Variants in CAMK1D observed in about 807,000 individuals in gnomAD.
CAMK1D encodes calcium/calmodulin dependent protein kinase ID.
CAMK1D carries 9 observed loss-of-function variants against 47.7 expected under a neutral mutation model. That is an observed-to-expected ratio of 0.19 (90% CI 0.11 to 0.33). CAMK1D has a LOEUF of 0.33. Ranked by LOEUF, CAMK1D falls within the 10% of genes least tolerant of loss-of-function variation. The probability of loss-of-function intolerance (pLI) is 1.00; values close to 1 mark genes in which losing one functional copy is unlikely to be tolerated. For missense variants in CAMK1D, 291 were observed against 488.7 expected (o/e 0.60, Z 3.81); for synonymous variants, 184 against 184.9 (o/e 0.99, Z 0.04).
chr10:12,530,201 T>C (rs989064464), intron 1 of CAMK1D, among the ~76,000 whole-genome samples: 1 of 152,200 alleles, frequency 6.6e-6, no homozygotes, highest in Non-Finnish European at 1.5e-5. Context: ...ACTGCCCCCG[T>C]TGAACCCGGA....
chr10:12,670,797 C>T (rs1333783094), intron 3 of CAMK1D, among the ~76,000 whole-genome samples: 1 of 152,160 alleles, frequency 6.6e-6, no homozygotes, highest in East Asian at 1.9e-4. Context: ...GATCCACCCA[C>T]CTCAGCTTCC....
At chr10:12,618,177 T>C (rs143333516) in intron 2 of CAMK1D, among the ~76,000 whole-genome samples, 38 of 152,332 alleles carry the variant, frequency 2.5e-4, no homozygotes, top group African/African-American at 9.1e-4. Flanking sequence ...TCATTTCCTA[T>C]TCCTGCCTCC....
At chr10:12,469,280 C>T (rs1833680633) in intron 1 of CAMK1D, among the ~76,000 whole-genome samples, 1 of 152,032 alleles carries the variant, frequency 6.6e-6, no homozygotes, top group Non-Finnish European at 1.5e-5. Context: ...GAATTAGACC[C>T]AGCATTCTAG....
rs745260 is a variant in CAMK1D, at chr10:12,830,131, C to A, written c.*1244C>A. The A allele has an allele frequency of 0.061, 9,261 of 152,312 alleles. 335 individuals are homozygous for A. Among genetic ancestry groups the A allele is most frequent in the South Asian group, 0.085 (410 of 4,808 alleles). The allele number at this position is 152,312 out of a possible 1,614,324, so 9.4% of individuals were successfully genotyped here. The stretch of plus-strand genomic sequence containing the variant: ...GTGGGCCCACACACAACCCTCATTT[C>A]TCACGAGAGCTAACAGATGAAAGCT... On this transcript the variant is annotated 3_prime_UTR_variant, in exon 11 of 11. Coordinates refer to ENST00000619168, the MANE Select transcript of CAMK1D (RefSeq NM_153498.4).
At chr10:12,472,607 C>T (rs1833780861) in intron 1 of CAMK1D, among the ~76,000 whole-genome samples, 2 of 151,974 alleles carry the variant, frequency 1.3e-5, no homozygotes, top group African/African-American at 2.4e-5. Flanking sequence ...TCACTGTAAC[C>T]GCCTCCTGGG....
At chr10:12,652,729 T>C (rs1050577360) in intron 2 of CAMK1D, among the ~76,000 whole-genome samples, 1 of 152,232 alleles carries the variant, frequency 6.6e-6, no homozygotes, top group Non-Finnish European at 1.5e-5. Context: ...TCCTTGATCA[T>C]AGTCTTTTAT....
intron 3 of CAMK1D, among the ~76,000 whole-genome samples, chr10:12,713,872 TA>T (rs1234487891): frequency 1.3e-5 from 2 of 152,338 alleles, no homozygotes; most frequent in South Asian, 4.1e-4. Flanking sequence ...ATAAAATGTA[TA>T]ATTATCCAGT....
At chr10:12,773,195 A>T (rs778094915) in intron 5 of CAMK1D, among the ~76,000 whole-genome samples, 1 of 152,216 alleles carries the variant, frequency 6.6e-6, no homozygotes, top group Admixed American at 6.5e-5. Context: ...AAAAACACAC[A>T]GATCATGAAT....
At chr10:12,621,815 ATG>A (rs200674998) in intron 2 of CAMK1D, among the ~76,000 whole-genome samples, 1 of 120,390 alleles carries the variant, frequency 8.3e-6, no homozygotes, top group Non-Finnish European at 2.0e-5. Flanking sequence ...GTGTGTGTGT[ATG>A]TGTGTGTGTA....
intron 1 of CAMK1D, among the ~76,000 whole-genome samples, chr10:12,394,082 G>A (rs912708426): frequency 2.0e-5 from 3 of 152,204 alleles, no homozygotes; most frequent in Non-Finnish European, 4.4e-5. Context: ...CATCCTTTGA[G>A]GGTTCACACC....
At chr10:12,402,078 A>G (rs150342111) in intron 1 of CAMK1D, among the ~76,000 whole-genome samples, 1 of 149,056 alleles carries the variant, frequency 6.7e-6, no homozygotes, top group African/African-American at 2.5e-5. Flanking sequence ...GTATATATAT[A>G]TATTTTTTTG....
intron 1 of CAMK1D, among the ~76,000 whole-genome samples, chr10:12,367,015 T>C (rs1471428858): frequency 6.6e-6 from 1 of 152,156 alleles, no homozygotes; most frequent in African/African-American, 2.4e-5. Context: ...TCTATCCTCA[T>C]GACCACTTCT....
At chr10:12,620,202 A>AAAAAAAAAAAAAAAAAAAAAAAT (rs1838953461) in intron 2 of CAMK1D, among the ~76,000 whole-genome samples, 1 of 146,110 alleles carries the variant, frequency 6.8e-6, no homozygotes, top group Non-Finnish European at 1.5e-5. Flanking sequence ...AAAAAAAAAA[A>AAAAAAAAAAAAAAAAAAAAAAAT]AAAAAAAAAA....
chr10:12,355,422 C>T lies in CAMK1D; in HGVS notation c.92+5512C>T, dbSNP rs181525904. On this transcript the variant is annotated intron_variant, in intron 1 of 10. Transcript: ENST00000619168. ...TCTGAAAGTCCAGATGGAAAACAGA[C>T]TCAACTTTTCTTTTTTGGTGTATAT... 2.5e-4 allele frequency among the ~76,000 whole-genome samples: 38 copies of T among 152,130 alleles called. No homozygotes were observed. In the East Asian group the frequency reaches 6.6e-3, roughly 26 times the overall value.
intron 1 of CAMK1D, among the ~76,000 whole-genome samples, chr10:12,371,589 CA>C (rs1198993835): frequency 4.3e-5 from 6 of 139,922 alleles, no homozygotes; most frequent in African/African-American, 7.9e-5. Context: ...AAAAAAAAAC[CA>C]AAAAAAAACA....
chr10:12,432,488 C>T (rs368692782), intron 1 of CAMK1D, among the ~76,000 whole-genome samples: 11 of 151,478 alleles, frequency 7.3e-5, no homozygotes, highest in Non-Finnish European at 1.0e-4. Flanking sequence ...AATGAATGAG[C>T]GAATGGATGA....
chr10:12,785,656 C>T (rs1837690638), intron 5 of CAMK1D, among the ~76,000 whole-genome samples: 1 of 152,158 alleles, frequency 6.6e-6, no homozygotes, highest in South Asian at 2.1e-4. Context: ...AGTTTGGAAG[C>T]TGGACGCTGT....
chr10:12,819,119 T>A (rs752231380), intron 8 of CAMK1D, among the ~76,000 whole-genome samples: 1 of 152,152 alleles, frequency 6.6e-6, no homozygotes, highest in Non-Finnish European at 1.5e-5. Context: ...TGCTCTCTCC[T>A]TCACCAAACA....
intron 2 of CAMK1D, among the ~76,000 whole-genome samples, chr10:12,659,645 T>C (rs1405364397): frequency 6.6e-6 from 1 of 152,166 alleles, no homozygotes; most frequent in Non-Finnish European, 1.5e-5. Context: ...GAAATGATTT[T>C]TTTTTCAGTT....
Sources: gnomAD v4.1 joint callset for allele counts (sites outside exome capture counted in the v4.1 genomes callset) on GRCh38, gnomAD v4.1.1 for gene constraint, MANE v1.5 for transcripts, NCBI Gene and HGNC (gene_info 2026-07-23, HGNC 2026-07-21) for gene names.